The following BLM variants were observed in gnomAD, a reference collection of about 807,000 sequenced individuals.
BLM encodes the protein BLM RecQ like helicase, also known as recQ-like DNA helicase BLM.
In BLM, 95 loss-of-function variants were observed where a neutral mutation model predicts 135.3. The observed-to-expected ratio is 0.70, with a 90% CI of 0.59 to 0.83. BLM has a LOEUF of 0.83. Ranked by LOEUF, BLM falls within the 40% of genes least tolerant of loss-of-function variation. The probability of loss-of-function intolerance (pLI) is 0.00; values close to 1 mark genes in which losing one functional copy is unlikely to be tolerated. For missense variants in BLM, 1,518 were observed against 1,663.9 expected (o/e 0.91, Z 1.53); for synonymous variants, 520 against 589.2 (o/e 0.88, Z 1.70).
chr15:90,747,469 G>T lies in BLM; in HGVS notation c.77G>T (p.Ser26Ile). The T allele has an allele frequency of 6.2e-7, 1 of 1,608,198 alleles. No individual in the cohort carries two copies. Among genetic ancestry groups the T allele is most frequent in the East Asian group, 2.2e-5 (1 of 44,832 alleles). Residue 26 changes from serine (S) to isoleucine (I), a missense_variant, in exon 2 of 22, where the codon AGT (serine) becomes ATT (isoleucine). By Grantham distance (142) the Ser-to-Ile change is moderately radical. Coordinates refer to ENST00000355112, the MANE Select transcript of BLM (RefSeq NM_000057.4). ...HSARTLNNKL[S>I]LSKPKFSGFT... Reference sequence around the variant, plus strand: ...GCCAGAACACTTAATAATAAATTAAGTCTTTCAAAACCAAAATTTTCGTAA... The same window carrying T: ...GCCAGAACACTTAATAATAAATTAATTCTTTCAAAACCAAAATTTTCGTAA...
At chr15:90,770,899 G>T (rs1268950214) in intron 12 of BLM, among the ~76,000 whole-genome samples, 1 of 152,208 alleles carries the variant, frequency 6.6e-6, no homozygotes, top group Non-Finnish European at 1.5e-5. Flanking sequence ...TAAACTGGCA[G>T]CTTCTAAATT....
intron 1 of BLM, among the ~76,000 whole-genome samples, chr15:90,720,720 C>G (rs936843632): frequency 6.6e-6 from 1 of 151,884 alleles, no homozygotes. Flanking sequence ...CAGGGGTGTA[C>G]CACCATGCCT....
intron 17 of BLM, among the ~76,000 whole-genome samples, chr15:90,799,404 G>A (rs1289667748): frequency 6.6e-6 from 1 of 151,304 alleles, no homozygotes; most frequent in African/African-American, 2.4e-5. Flanking sequence ...TGGAGAGGTT[G>A]GAAAATAAAG....
chr15:90,812,129 T>C (rs1242797529), intron 21 of BLM, among the ~76,000 whole-genome samples: 4 of 152,226 alleles, frequency 2.6e-5, no homozygotes, highest in Non-Finnish European at 5.9e-5. Context: ...TGGCTTTTAC[T>C]ATTCTGTCAG....
At chr15:90,776,588 C>G (rs1349421930) in intron 12 of BLM, among the ~76,000 whole-genome samples, 1 of 152,198 alleles carries the variant, frequency 6.6e-6, no homozygotes, top group Non-Finnish European at 1.5e-5. Flanking sequence ...GTGGTGCGAT[C>G]TCGGCTCACT....
chr15:90,815,352 T>C lies in BLM; in HGVS notation c.*73T>C, dbSNP rs1230893352. 1 of 1,503,256 alleles carries C rather than the reference T, an allele frequency of 6.7e-7. No individual in the cohort carries two copies. The highest frequency in any genetic ancestry group is 9.2e-7 in the Non-Finnish European group (1 of 1,082,804). The allele number at this position is 1,503,256 out of a possible 1,614,324, so 93.1% of individuals were successfully genotyped here. Reference sequence around the variant, plus strand: ...CTGACCATCTGTGACTATAAAGCTGTTATTCTTGTTATACCATTTGAAGTT... The same window carrying C: ...CTGACCATCTGTGACTATAAAGCTGCTATTCTTGTTATACCATTTGAAGTT... On this transcript the variant is annotated 3_prime_UTR_variant, in exon 22 of 22. Transcript: ENST00000355112. This position sits in a 1 kb window ranked among gnomAD's most constrained non-coding sequence, Gnocchi z 4.6.
intron 1 of BLM, among the ~76,000 whole-genome samples, chr15:90,735,176 TAAAC>T (rs1895176432): frequency 6.8e-6 from 1 of 146,654 alleles, no homozygotes; most frequent in African/African-American, 2.5e-5. Flanking sequence ...AAAATAGCCT[TAAAC>T]AAATGAAATC....
intron 1 of BLM, among the ~76,000 whole-genome samples, chr15:90,728,015 T>C (rs1282591034): frequency 6.6e-6 from 1 of 152,154 alleles, no homozygotes; most frequent in Non-Finnish European, 1.5e-5. Flanking sequence ...TCCTCCCTCC[T>C]TGACTTCTCT....
At chr15:90,740,642 G>A (rs1895339632) in intron 1 of BLM, among the ~76,000 whole-genome samples, 1 of 152,130 alleles carries the variant, frequency 6.6e-6, no homozygotes, top group Non-Finnish European at 1.5e-5. Flanking sequence ...GTTTGCCTGT[G>A]TCCCCATTGA....
intron 10 of BLM, 66 bp downstream of exon 10, chr15:90,767,089 T>A (rs1342423234): frequency 4.6e-6 from 5 of 1,088,358 alleles, no homozygotes; most frequent in Admixed American, 2.7e-5. Context: ...TTTTTAAGAT[T>A]TTAACAAAAT....
intron 1 of BLM, among the ~76,000 whole-genome samples, chr15:90,720,757 A>C (rs190981002): frequency 3.4e-4 from 52 of 151,716 alleles, no homozygotes; most frequent in Admixed American, 1.9e-3. Flanking sequence ...TGTTGTAGAG[A>C]TGGGCTTTTG....
At chr15:90,720,913 G>C (rs1032606305) in intron 1 of BLM, among the ~76,000 whole-genome samples, 2 of 152,012 alleles carry the variant, frequency 1.3e-5, no homozygotes, top group African/African-American at 4.8e-5. Context: ...TTATTTCCTG[G>C]CTGGGCGCGG....
intron 21 of BLM, among the ~76,000 whole-genome samples, chr15:90,814,531 C>T (rs1468977959): frequency 6.6e-6 from 1 of 152,146 alleles, no homozygotes; most frequent in East Asian, 1.9e-4. Flanking sequence ...CTGCTGGACA[C>T]GGTCCTAACA....
At chr15:90,720,019 G>T (rs1894724542) in intron 1 of BLM, among the ~76,000 whole-genome samples, 2 of 152,122 alleles carry the variant, frequency 1.3e-5, no homozygotes, top group South Asian at 4.1e-4. Flanking sequence ...AGTTCCACTT[G>T]TCCTTCAATA....
Position 90,749,939 on chromosome 15 carries a change from A to C in BLM, c.671A>C (p.Gln224Pro), listed in dbSNP as rs770111029. The change falls in exon 3 of 22, where the codon CAG becomes CCG. Residue 224 changes from glutamine (Q) to proline (P), a missense_variant. This residue lies in a region of BLM where 724 missense variants were observed against 756.9 expected (regional missense o/e 0.96). Coordinates refer to ENST00000355112, the MANE Select transcript of BLM (RefSeq NM_000057.4). ...GAGCAAATAGATTTGACTGAGGAAC[A>C]GAAGGATGACTCAGAATGGTTAAGC... ...ESEQIDLTEEQKDDSEWLSSD... is the reference protein window; with the variant it reads ...ESEQIDLTEEPKDDSEWLSSD... The C allele has an allele frequency of 5.0e-6, 8 of 1,614,164 alleles. No homozygotes were observed. Among genetic ancestry groups the C allele is most frequent in the Non-Finnish European group, 4.2e-6 (5 of 1,179,960 alleles).
At chr15:90,788,188 C>T (rs990176720) in intron 14 of BLM, among the ~76,000 whole-genome samples, 2 of 151,968 alleles carry the variant, frequency 1.3e-5, no homozygotes, top group Non-Finnish European at 2.9e-5. Flanking sequence ...TAAGTGTACC[C>T]AAGCAAGAAA....
At chr15:90,759,357 T>C (rs1454336889) in intron 5 of BLM, among the ~76,000 whole-genome samples, 1 of 150,420 alleles carries the variant, frequency 6.6e-6, no homozygotes, top group Non-Finnish European at 1.5e-5. Context: ...AGCCCAGGAG[T>C]TTGAGACCAG....
chr15:90,747,535 C>A, intron 2 of BLM, 45 bp downstream of exon 2: 3 of 1,128,766 alleles, frequency 2.7e-6, no homozygotes, highest in East Asian at 2.5e-5. Flanking sequence ...ACTAACTTAC[C>A]ACATTGTACA....
At chr15:90,769,278 C>G (rs758071122) in intron 11 of BLM, 47 bp downstream of exon 11, 2 of 1,535,842 alleles carry the variant, frequency 1.3e-6, no homozygotes, top group South Asian at 1.1e-5. Context: ...ATACATACTA[C>G]CAACAATATA....
Sources: gnomAD v4.1 joint callset for allele counts (sites outside exome capture counted in the v4.1 genomes callset) on GRCh38, gnomAD v4.1.1 for gene constraint, gnomAD v4.1.1 regional missense constraint, Gnocchi (gnomAD v3.1) non-coding constraint, MANE v1.5 for transcripts, NCBI Gene and HGNC (gene_info 2026-07-23, HGNC 2026-07-21) for gene names.